The following RGN variants were observed in gnomAD, a reference collection of about 807,000 sequenced individuals.
RGN encodes epididymis secretory protein Li 41.
A neutral mutation model predicts 20.6 loss-of-function variants in RGN; 19 were observed. The ratio of observed to expected loss-of-function variants is 0.92; its 90% CI spans 0.64 to 1.35. The LOEUF (loss-of-function observed/expected upper bound fraction) is 1.35. Ranked by LOEUF, RGN falls within the 40% of genes most tolerant of loss-of-function variation. The pLI, the probability that RGN is intolerant of heterozygous loss-of-function variation, is 0.00. For synonymous variants in RGN, 85 were observed against 87.2 expected, an observed-to-expected ratio of 0.97 and a Z score of 0.14; for missense variants, 302 against 232.7, an observed-to-expected ratio of 1.30 and a Z score of -1.94.
chrX:47,081,321 C>T lies in RGN; in HGVS notation c.163+14C>T, dbSNP rs1556381294. 4 of 1,203,586 alleles carry T rather than the reference C, an allele frequency of 3.3e-6. No individual in the cohort carries two copies. In the African/African-American group the frequency reaches 7.1e-5, roughly 21 times the overall value. ...GAGTGACCATGGGTAAGGATGAAGG[C>T]TGGACTCAGATCAGCCAGCTACCTT... On this transcript the variant is annotated intron_variant, in intron 3 of 7. Transcript: ENST00000397180.
In RGN at chrX:47,081,219, G is replaced by A. The variant is rs1556381167; in HGVS notation, c.75G>A (p.Val25=). 4 of 1,207,267 alleles carry A rather than the reference G, an allele frequency of 3.3e-6. No individual in the cohort carries two copies. The highest frequency in any genetic ancestry group is 4.6e-4 in the Middle Eastern group (2 of 4,343). ...RCGESPVWEE[V]SNSLLFVDIP... ...GTGAGTCTCCAGTATGGGAGGAAGT[G>A]TCCAACTCTCTGCTCTTTGTAGACA... is the stretch of plus-strand genomic sequence containing the variant. Residue 25 remains valine, a synonymous_variant, in exon 3 of 8, where the codon GTG becomes GTA. Transcript: ENST00000397180.
At chrX:47,079,492 G>A (rs1188942423) in intron 1 of RGN, among the ~76,000 whole-genome samples, 1 of 106,128 alleles carries the variant, frequency 9.4e-6, no homozygotes, top group Non-Finnish European at 1.9e-5. Context: ...ATGCAGTGGC[G>A]CAATCTCGGC....
chrX:47,090,887 G>GAAAGAAAGAAAGA (rs1308179351), intron 5 of RGN, among the ~76,000 whole-genome samples: 5 of 23,117 alleles, frequency 2.2e-4, no homozygotes, highest in African/African-American at 6.7e-4. Flanking sequence ...AGAAAGAAAA[G>GAAAGAAAGAAAGA]AAGAAGAAAG....
intron 3 of RGN, among the ~76,000 whole-genome samples, chrX:47,083,850 T>C (rs1203893438): frequency 9.2e-6 from 1 of 108,308 alleles, no homozygotes; most frequent in Admixed American, 9.9e-5. Context: ...AGGCAGAGGT[T>C]GCAGTGAGTT....
chrX:47,085,773 C>T (rs1358442523), intron 4 of RGN, among the ~76,000 whole-genome samples: 1 of 111,643 alleles, frequency 9.0e-6, no homozygotes, highest in Non-Finnish European at 1.9e-5. Context: ...TGAGCCACTG[C>T]ACCTGGCCTA....
intron 3 of RGN, among the ~76,000 whole-genome samples, chrX:47,083,870 C>G (rs782094026): frequency 9.2e-6 from 1 of 108,184 alleles, no homozygotes; most frequent in African/African-American, 3.4e-5. Context: ...TGAGATTGCA[C>G]CATTGCACTC....
intron 4 of RGN, among the ~76,000 whole-genome samples, chrX:47,088,461 C>T (rs782707578): frequency 9.0e-6 from 1 of 110,770 alleles, no homozygotes; most frequent in Non-Finnish European, 1.9e-5. Flanking sequence ...TCGACCCTGT[C>T]TTGCTTGCTA....
At chrX:47,090,968 G>GAAAGAAAGAAAGAAGA (rs1930985799) in intron 5 of RGN, among the ~76,000 whole-genome samples, 1 of 106,815 alleles carries the variant, frequency 9.4e-6, no homozygotes, top group African/African-American at 3.4e-5. Context: ...AAGAAAGAAA[G>GAAAGAAAGAAAGAAGA]AAAGAAAGAA....
intron 6 of RGN, 86 bp from the exon 7 acceptor site, chrX:47,091,973 CCA>C (rs1931034885): frequency 3.1e-6 from 3 of 969,914 alleles, no homozygotes; most frequent in Non-Finnish European, 4.2e-6. Context: ...ATCCTGACCT[CCA>C]CAGTCTTCTT....
At chrX:47,089,534 A>AT (rs1930810264) in intron 4 of RGN, among the ~76,000 whole-genome samples, 5 of 73,403 alleles carry the variant, frequency 6.8e-5, no homozygotes, top group Non-Finnish European at 9.8e-5. Context: ...ATATACTCAT[A>AT]TATATACATA....
At chrX:47,088,358 G>A (rs1231359975) in intron 4 of RGN, among the ~76,000 whole-genome samples, 1 of 109,732 alleles carries the variant, frequency 9.1e-6, no homozygotes, top group Non-Finnish European at 1.9e-5. Flanking sequence ...TTTCTGTGAG[G>A]CAGATAATGT....
chrX:47,089,600 C>CATATTATATAT (rs1930831415), intron 4 of RGN, among the ~76,000 whole-genome samples, 176 bp from the exon 5 acceptor site: 3 of 14,999 alleles, frequency 2.0e-4, no homozygotes, highest in African/African-American at 5.1e-4. Flanking sequence ...TATATATATA[C>CATATTATATAT]ACACACACAC....
intron 1 of RGN, 123 bp from the exon 2 acceptor site, chrX:47,080,194 T>A (rs1208069739): frequency 8.9e-6 from 1 of 112,355 alleles, no homozygotes; most frequent in Non-Finnish European, 1.9e-5. Flanking sequence ...ATGCAGGCAG[T>A]GTGGATCATT....
intron 4 of RGN, chrX:47,084,984 T>A (rs782229159): frequency 8.8e-4 from 115 of 130,049 alleles, no homozygotes; most frequent in African/African-American, 3.3e-3. Flanking sequence ...GTAAGTAAGT[T>A]AGTTAGTTCT....
intron 4 of RGN, among the ~76,000 whole-genome samples, chrX:47,086,963 T>C (rs1569540341): frequency 9.0e-6 from 1 of 110,753 alleles, no homozygotes; most frequent in African/African-American, 3.3e-5. Context: ...TCTTGGAGGC[T>C]GGCTACAACA....
In RGN at chrX:47,093,170, G is replaced by A. The variant is rs375868199; in HGVS notation, c.*223G>A. ...TCTGTAAAAGGTACTATAGAAGGGCGAAGAATCGTTCAACTGTCAATCAGC... is the reference window on the plus strand; with the variant it reads ...TCTGTAAAAGGTACTATAGAAGGGCAAAGAATCGTTCAACTGTCAATCAGC... On this transcript the variant is annotated 3_prime_UTR_variant, in exon 8 of 8. Transcript: ENST00000397180. The A allele has an allele frequency of 4.8e-5, 18 of 378,018 alleles. No homozygotes were observed. In the South Asian group the frequency reaches 5.4e-4, roughly 11 times the overall value. 31.2% of individuals were successfully genotyped at this position (378,018 alleles called of 1,213,427 possible). A position where few individuals can be genotyped will look rare whatever the true frequency, so the allele number is the denominator to read the frequency against.
chrX:47,092,013 T>C (rs1556388103), intron 6 of RGN, 48 bp from the exon 7 acceptor site: 1 of 1,127,102 alleles, frequency 8.9e-7, no homozygotes, highest in East Asian at 3.0e-5. Context: ...AATACACAGG[T>C]TGGAAATTGC....
chrX:47,078,947 C>G (rs1247312147), intron 1 of RGN, among the ~76,000 whole-genome samples: 1 of 104,733 alleles, frequency 9.5e-6, no homozygotes, highest in Non-Finnish European at 2.0e-5. Flanking sequence ...CACTGCCCCC[C>G]ACCCCCGCTT....
chrX:47,086,784 A>AGAGAGAGAG, intron 4 of RGN, among the ~76,000 whole-genome samples: 1 of 78,112 alleles, frequency 1.3e-5, no homozygotes, highest in Non-Finnish European at 2.5e-5. Flanking sequence ...AGAGAGAGAG[A>AGAGAGAGAG]AAGAGAGAGA....
Sources: allele counts gnomAD v4.1 joint callset (sites outside exome capture counted in the v4.1 genomes callset), GRCh38; gene constraint gnomAD v4.1.1; transcripts MANE v1.5; gene names NCBI Gene and HGNC (gene_info 2026-07-23, HGNC 2026-07-21).